Variants in EFNA5 observed in about 807,000 individuals in gnomAD.
EFNA5 encodes ephrin-A5.
Under a neutral mutation model 22.9 loss-of-function variants are expected in EFNA5, and 5 were observed. The ratio of observed to expected loss-of-function variants is 0.22; its 90% confidence interval spans 0.11 to 0.46. The LOEUF (loss-of-function observed/expected upper bound fraction) is 0.46. Ranked by LOEUF, EFNA5 falls within the 20% of genes least tolerant of loss-of-function variation. EFNA5 has a pLI of 0.99. For missense variants in EFNA5, 237 were observed against 293.3 expected (o/e 0.81, Z 1.40); for synonymous variants, 113 against 112.2 (o/e 1.01, Z -0.04).
At chr5:107,507,639 C>A (rs370109188) in intron 1 of EFNA5, among the ~76,000 whole-genome samples, 1 of 151,752 alleles carries the variant, frequency 6.6e-6, no homozygotes, top group African/African-American at 2.4e-5. Flanking sequence ...GAGTTTGAGA[C>A]CAGCCTGGGC....
chr5:107,394,408 TG>T (rs1405591121), intron 2 of EFNA5, among the ~76,000 whole-genome samples: 1 of 152,176 alleles, frequency 6.6e-6, no homozygotes, highest in Non-Finnish European at 1.5e-5. Flanking sequence ...GATATGACTC[TG>T]GGGATGTTTC....
chr5:107,439,129 CT>C (rs1561386722), intron 1 of EFNA5, among the ~76,000 whole-genome samples: 1 of 152,022 alleles, frequency 6.6e-6, no homozygotes, highest in African/African-American at 2.4e-5. Flanking sequence ...GAGACAGGGT[CT>C]TTTTTGGAAG....
intron 1 of EFNA5, among the ~76,000 whole-genome samples, chr5:107,629,273 A>G (rs1750195637): frequency 6.6e-6 from 1 of 152,210 alleles, no homozygotes; most frequent in African/African-American, 2.4e-5. Flanking sequence ...ATTTAAAGCA[A>G]TTACCCAAGG....
chr5:107,590,681 C>T (rs984326107), intron 1 of EFNA5, among the ~76,000 whole-genome samples: 5 of 152,120 alleles, frequency 3.3e-5, no homozygotes, highest in South Asian at 2.1e-4. Context: ...GAGTGAGCCA[C>T]CACACCTGGC....
At chr5:107,419,618 C>T (rs1182710893) in intron 2 of EFNA5, among the ~76,000 whole-genome samples, 2 of 152,054 alleles carry the variant, frequency 1.3e-5, no homozygotes, top group Non-Finnish European at 2.9e-5. Flanking sequence ...CTTTAGAAAA[C>T]GTTAAAATTT....
rs558281494 is a variant in EFNA5, at chr5:107,409,298, G to A, written c.418+17919C>T. Among the ~76,000 whole-genome samples the A allele has an allele frequency of 3.9e-5, 6 of 152,250 alleles. No individual in the cohort carries two copies. In the South Asian group the frequency reaches 1.2e-3, roughly 32 times the overall value. Reference sequence around the variant, plus strand: ...GACATCAAAATTTGGGGAACCTTTTGGATTCAGCAGTCAGAACCCAACCAT... The same window carrying A: ...GACATCAAAATTTGGGGAACCTTTTAGATTCAGCAGTCAGAACCCAACCAT... On this transcript the variant is annotated intron_variant, in intron 2 of 4. Coordinates refer to ENST00000333274, the MANE Select transcript of EFNA5 (RefSeq NM_001962.3).
chr5:107,464,970 T>C (rs1478847953), intron 1 of EFNA5, among the ~76,000 whole-genome samples: 1 of 152,132 alleles, frequency 6.6e-6, no homozygotes, highest in African/African-American at 2.4e-5. Context: ...TTTCTCTCTC[T>C]CTTTTTTGTC....
At chr5:107,580,719 C>T (rs1295044098) in intron 1 of EFNA5, among the ~76,000 whole-genome samples, 1 of 73,280 alleles carries the variant, frequency 1.4e-5, no homozygotes, top group Non-Finnish European at 2.6e-5. Context: ...AAGACTCCAT[C>T]TCAAAAAAAA....
chr5:107,430,138 C>A (rs3901010), intron 1 of EFNA5, among the ~76,000 whole-genome samples: 30,215 of 152,066 alleles, frequency 0.2, 3,635 homozygotes, highest in South Asian at 0.36. Flanking sequence ...TACTAGCAGA[C>A]AATGATTTGT....
intron 1 of EFNA5, among the ~76,000 whole-genome samples, chr5:107,620,126 C>T (rs1228823706): frequency 6.6e-6 from 1 of 152,240 alleles, no homozygotes; most frequent in Non-Finnish European, 1.5e-5. Context: ...TGTCAACCTT[C>T]ATCTGATTTT....
intron 1 of EFNA5, among the ~76,000 whole-genome samples, chr5:107,520,655 T>A (rs1036445136): frequency 6.6e-5 from 10 of 152,222 alleles, no homozygotes; most frequent in African/African-American, 9.6e-5. Flanking sequence ...AAGTCTGCCA[T>A]CTTATGATTT....
intron 1 of EFNA5, among the ~76,000 whole-genome samples, chr5:107,430,103 G>T (rs1017114554): frequency 2.6e-5 from 4 of 152,138 alleles, no homozygotes; most frequent in Non-Finnish European, 5.9e-5. Context: ...TATTTGCAAT[G>T]ACCACGAGTT....
chr5:107,478,676 G>A (rs1215670048), intron 1 of EFNA5, among the ~76,000 whole-genome samples: 1 of 152,132 alleles, frequency 6.6e-6, no homozygotes. Flanking sequence ...AGGAAGAAAC[G>A]TACCAAGTGG....
chr5:107,619,750 C>T (rs13163062), intron 1 of EFNA5, among the ~76,000 whole-genome samples: 50,679 of 152,050 alleles, frequency 0.33, 9,854 homozygotes, highest in South Asian at 0.54. Context: ...GCATGAGCCA[C>T]CACGCCTAGC....
rs11948312 is a variant in EFNA5 at position 107,662,224 on chromosome 5, A to T, written c.125+8265T>A. On this transcript the variant is annotated intron_variant, in intron 1 of 4. Coordinates refer to ENST00000333274, the MANE Select transcript of EFNA5 (RefSeq NM_001962.3). The stretch of plus-strand genomic sequence containing the variant: ...CGTACCTGAACTTTAACCGCGATAC[A>T]TGTATCTGTTATTAAAACATGCATT... 1.7e-3 allele frequency among the ~76,000 whole-genome samples: 252 copies of T among 152,314 alleles called. 2 individuals carry two copies. Among genetic ancestry groups the T allele is most frequent in the African/African-American group, 5.9e-3 (245 of 41,578 alleles).
At chr5:107,445,092 GGCT>G (rs1749354601) in intron 1 of EFNA5, among the ~76,000 whole-genome samples, 1 of 152,000 alleles carries the variant, frequency 6.6e-6, no homozygotes, top group Non-Finnish European at 1.5e-5. Flanking sequence ...GTGTGATTTC[GGCT>G]CACTGCAACC....
At chr5:107,660,471 A>C (rs1432077419) in intron 1 of EFNA5, among the ~76,000 whole-genome samples, 2 of 151,260 alleles carry the variant, frequency 1.3e-5, no homozygotes, top group Non-Finnish European at 3.0e-5. Flanking sequence ...CAAGAAGAAC[A>C]CTATCATGTC....
intron 2 of EFNA5, among the ~76,000 whole-genome samples, chr5:107,401,472 A>G (rs1236526653): frequency 2.0e-5 from 3 of 152,252 alleles, no homozygotes; most frequent in Non-Finnish European, 4.4e-5. Context: ...AAAAGATTAA[A>G]AAAGTCTGAA....
intron 1 of EFNA5, among the ~76,000 whole-genome samples, chr5:107,516,969 G>C (rs963497348): frequency 2.0e-5 from 3 of 152,074 alleles, no homozygotes; most frequent in Admixed American, 1.3e-4. Context: ...ATAGATGACA[G>C]GCTATCTAGG....
Sources: allele counts gnomAD v4.1 joint callset (sites outside exome capture counted in the v4.1 genomes callset), GRCh38; gene constraint gnomAD v4.1.1; transcripts MANE v1.5; gene names NCBI Gene and HGNC (gene_info 2026-07-23, HGNC 2026-07-21).